Variants in SYNE1 observed in about 807,000 individuals in gnomAD.
SYNE1 encodes the protein spectrin repeat containing nuclear envelope protein 1.
Under a neutral mutation model 1,111.0 loss-of-function variants are expected in SYNE1, and 616 were observed. That is an observed-to-expected ratio of 0.55 (90% CI 0.52 to 0.59). The LOEUF is 0.59. SYNE1 is among the 20% of genes least tolerant of loss of function. The probability of loss-of-function intolerance (pLI) is 0.00; values close to 1 mark genes in which losing one functional copy is unlikely to be tolerated. For missense variants in SYNE1, 10,006 were observed against 10,417.0 expected (o/e 0.96, Z 1.72); for synonymous variants, 3,855 against 3,825.8 (o/e 1.01, Z -0.28).
rs1183260471 is a variant in SYNE1 at position 152,368,994 on chromosome 6, A to G, written c.9785T>C (p.Leu3262Pro). 1 of 1,614,198 alleles carries G rather than the reference A, an allele frequency of 6.2e-7. No homozygotes were observed. Among genetic ancestry groups the G allele is most frequent in the African/African-American group, 1.3e-5 (1 of 75,050 alleles). The change falls in exon 61 of 146, where the codon CTA (leucine) becomes CCA (proline). Residue 3262 changes from leucine to proline, a missense_variant. This residue lies in a region of SYNE1 where 4,955 missense variants were observed against 5,017.2 expected (regional missense o/e 0.99). Transcript: ENST00000367255. ...HRVSQLSSQY[L>P]ALSNLTKEKV... is the part of the protein sequence containing the mutation. ...TACCTTTGTTAAATTGCTTAGCGCT[A>G]GATACTGAGAAGACAGCTGCGACAC...
intron 4 of SYNE1, among the ~76,000 whole-genome samples, chr6:152,531,223 G>A (rs1483992461): frequency 6.6e-6 from 1 of 152,120 alleles, no homozygotes; most frequent in Non-Finnish European, 1.5e-5. Context: ...AAAAAAATTT[G>A]AGATTGCTAA....
chr6:152,258,629 C>T (rs1166201523), intron 101 of SYNE1, among the ~76,000 whole-genome samples: 1 of 152,156 alleles, frequency 6.6e-6, no homozygotes, highest in Non-Finnish European at 1.5e-5. Context: ...AACCCCATTT[C>T]CCCTAAACTC....
chr6:152,558,311 C>G (rs1489824632), intron 3 of SYNE1, among the ~76,000 whole-genome samples: 1 of 152,108 alleles, frequency 6.6e-6, no homozygotes, highest in African/African-American at 2.4e-5. Context: ...TAGAAAACAA[C>G]AGTTTGTCAG....
intron 90 of SYNE1, among the ~76,000 whole-genome samples, chr6:152,308,935 A>C (rs761595240): frequency 2.6e-5 from 4 of 152,220 alleles, no homozygotes; most frequent in South Asian, 2.1e-4. Context: ...AGGGTGAAGC[A>C]GTGTGGGAAA....
Position 152,242,296 on chromosome 6 carries a change from G to A in SYNE1, c.19837C>T (p.Gln6613Ter). 6.2e-7 allele frequency: 1 copy of A among 1,613,904 alleles called. No homozygotes were observed. The highest frequency in any genetic ancestry group is 1.1e-5 in the South Asian group (1 of 91,064). Residue 6613 changes from glutamine (Q) to a stop codon, truncating the protein, a stop_gained, in exon 107 of 146, where the codon CAG (glutamine) becomes TAG (stop). Transcript: ENST00000367255. LOFTEE classifies it high-confidence loss of function. Reference protein sequence around the residue: ...ETGQEKMAGDQKIIVSSKEEI... With the variant: ...ETGQEKMAGD ...TCTTTGGAAGACACGATGATTTTCT[G>A]GTCTCCTGCCATCTTCTCCTGACCA...
At chr6:152,210,127 A>G (rs991760923) in intron 124 of SYNE1, among the ~76,000 whole-genome samples, 1 of 152,190 alleles carries the variant, frequency 6.6e-6, no homozygotes, top group African/African-American at 2.4e-5. Flanking sequence ...TAACTTTCAG[A>G]ACAAAATACA....
intron 75 of SYNE1, among the ~76,000 whole-genome samples, chr6:152,338,718 T>G (rs1406116779): frequency 6.6e-6 from 1 of 152,228 alleles, no homozygotes; most frequent in African/African-American, 2.4e-5. Flanking sequence ...ACGCCTCCAG[T>G]GCTGCCATCT....
chr6:152,219,123 C>T lies in SYNE1; in HGVS notation c.21924G>A (p.Glu7308=), dbSNP rs371017408. The T allele has an allele frequency of 2.2e-4, 356 of 1,614,096 alleles. No homozygotes were observed. Among genetic ancestry groups the T allele is most frequent in the Admixed American group, 5.2e-4 (31 of 60,022 alleles). The change falls in exon 120 of 146, where the codon GAG becomes GAA. Residue 7308 remains glutamate, a synonymous_variant. Transcript: ENST00000367255. ...DSLFFLHELG[E]QLKQQVDASA... ...AAGCATCCACTTGTTGCTTCAGTTG[C>T]TCTCCCAGCTCATGGAGAAAAAAGA...
rs148226672 is a variant in SYNE1 at position 152,182,971 on chromosome 6, A to G, written c.23302-2677T>C. Among the ~76,000 whole-genome samples the G allele has an allele frequency of 4.2e-3, 497 of 118,192 alleles. 8 individuals are homozygous for G. The highest frequency in any genetic ancestry group is 0.02 in the African/African-American group (477 of 24,004). 77.5% of individuals were successfully genotyped at this position (118,192 alleles called of 152,430 possible). A position where few individuals can be genotyped will look rare whatever the true frequency, so the allele number is the denominator to read the frequency against. ...GTTTTTGGAGGCAGAATAATACAGAACAGTCAAAGGGCAGTGAACTTGGGG... is the reference window on the plus strand; with the variant it reads ...GTTTTTGGAGGCAGAATAATACAGAGCAGTCAAAGGGCAGTGAACTTGGGG... On this transcript the variant is annotated intron_variant, in intron 128 of 145. Coordinates refer to ENST00000367255, the MANE Select transcript of SYNE1 (RefSeq NM_182961.4).
At chr6:152,315,419 C>T (rs2095689309) in intron 87 of SYNE1, 1 of 152,168 alleles carries the variant, frequency 6.6e-6, no homozygotes, top group Non-Finnish European at 1.5e-5. Flanking sequence ...CCAAGCTGGT[C>T]TTGAACTCCT....
chr6:152,375,138 T>C (rs1418760983), intron 58 of SYNE1, among the ~76,000 whole-genome samples: 1 of 152,118 alleles, frequency 6.6e-6, no homozygotes, highest in Admixed American at 6.5e-5. Context: ...AGACAGGGTT[T>C]CTCCATGTTG....
chr6:152,488,462 T>C lies in SYNE1; in HGVS notation c.981A>G (p.Ile327Met). The change falls in exon 12 of 146, where the codon ATA becomes ATG. Residue 327 changes from isoleucine to methionine, a missense_variant. Around this residue, in one of 7 missense-constraint regions of SYNE1, gnomAD observed 1,971 missense variants for 2,084.1 expected, o/e 0.95. Coordinates refer to ENST00000367255, the MANE Select transcript of SYNE1 (RefSeq NM_182961.4). Reference protein sequence around the residue: ...RVIFKEMKVWIEQFERDLTRA... With the variant: ...RVIFKEMKVWMEQFERDLTRA... ...TTGTCAAATCTCTCTCAAATTGTTC[T>C]ATCCAAACTTTCATTTCCTTAAAAA... is the stretch of plus-strand genomic sequence containing the variant. 1 of 1,608,840 alleles carries C rather than the reference T, an allele frequency of 6.2e-7. No individual in the cohort carries two copies. The highest frequency in any genetic ancestry group is 1.1e-5 in the South Asian group (1 of 90,942).
intron 42 of SYNE1, among the ~76,000 whole-genome samples, chr6:152,412,859 T>C (rs2098087051): frequency 6.8e-6 from 1 of 147,632 alleles, no homozygotes; most frequent in Non-Finnish European, 1.5e-5. Flanking sequence ...TAATTTTTTT[T>C]TTTTTTTGGT....
At chr6:152,241,042 G>A (rs1285263581) in intron 107 of SYNE1, among the ~76,000 whole-genome samples, 1 of 152,172 alleles carries the variant, frequency 6.6e-6, no homozygotes, top group Non-Finnish European at 1.5e-5. Context: ...AGCCTTGGCT[G>A]GACTTCTCAT....
Position 152,353,344 on chromosome 6 carries a change from A to G in SYNE1, c.11172T>C (p.Thr3724=), listed in dbSNP as rs1158738776. ...TAGCCACATTCTTGAAGTTTTTATG[A>G]GTAGAGCCATACCAATCAGAATAGG... ...LSSYSDWYGS[T]HKNFKNVATK... The change falls in exon 69 of 146, where the codon ACT becomes ACC. Residue 3724 remains threonine, a synonymous_variant. Coordinates refer to ENST00000367255, the MANE Select transcript of SYNE1 (RefSeq NM_182961.4). 8 of 1,614,082 alleles carry G rather than the reference A, an allele frequency of 5.0e-6. No homozygotes were observed. Among genetic ancestry groups the G allele is most frequent in the Non-Finnish European group, 5.9e-6 (7 of 1,180,048 alleles).
intron 127 of SYNE1, among the ~76,000 whole-genome samples, chr6:152,201,089 G>T (rs986703276): frequency 2.6e-5 from 4 of 152,162 alleles, no homozygotes; most frequent in Non-Finnish European, 5.9e-5. Flanking sequence ...GAACACAAGG[G>T]CATGTTTAAT....
chr6:152,563,483 T>C (rs565812489), intron 3 of SYNE1, among the ~76,000 whole-genome samples: 2 of 152,316 alleles, frequency 1.3e-5, no homozygotes, highest in South Asian at 4.1e-4. Context: ...TTTAGAAAAT[T>C]AGGCATTTTA....
chr6:152,255,700 T>C lies in SYNE1; in HGVS notation c.19151A>G (p.Tyr6384Cys). ...RQSIHLEQKL[Y>C]DGVSATSTWL... is the part of the protein sequence containing the mutation. ...AGTAGAGGTGGCTGAGACTCCATCA[T>C]ACAACTTCTGCTCCAAGTGTATACT... is the stretch of plus-strand genomic sequence containing the variant. Residue 6384 changes from tyrosine to cysteine, a missense_variant, in exon 103 of 146, where the codon TAT becomes TGT. Tyr to Cys is a radical substitution (Grantham distance 194). Around this residue, in one of 7 missense-constraint regions of SYNE1, gnomAD observed 2,182 missense variants for 2,287.8 expected, o/e 0.95. Transcript: ENST00000367255. 1 of 1,614,222 alleles carries C rather than the reference T, an allele frequency of 6.2e-7. No homozygotes were observed. Among genetic ancestry groups the C allele is most frequent in the Non-Finnish European group, 8.5e-7 (1 of 1,180,036 alleles).
chr6:152,567,758 G>A (rs145578482), intron 3 of SYNE1, among the ~76,000 whole-genome samples: 44 of 152,152 alleles, frequency 2.9e-4, no homozygotes, highest in African/African-American at 6.3e-4. Flanking sequence ...AAAGGAGGGC[G>A]GTCTGACTTC....
Sources: allele counts gnomAD v4.1 joint callset (sites outside exome capture counted in the v4.1 genomes callset), GRCh38; gene constraint gnomAD v4.1.1; regional missense constraint gnomAD v4.1.1; transcripts MANE v1.5; gene names NCBI Gene and HGNC (gene_info 2026-07-23, HGNC 2026-07-21).